COX7A2L: variants seen among roughly 807,000 people sequenced by gnomAD.
COX7A2L encodes cytochrome c oxidase subunit 7A2-like, mitochondrial.
Under a neutral mutation model 14.2 loss-of-function variants are expected in COX7A2L, and 18 were observed. The observed-to-expected ratio is 1.27, with a 90% CI of 0.88 to 1.88. The LOEUF (loss-of-function observed/expected upper bound fraction) is 1.88, where lower values mean the gene tolerates loss of function less well. Ranked by LOEUF, COX7A2L falls within the 40% of genes most tolerant of loss-of-function variation. The pLI is 0.00. For missense variants in COX7A2L, 179 were observed against 138.8 expected (o/e 1.29, Z -1.46); for synonymous variants, 65 against 57.4 (o/e 1.13, Z -0.60).
chr2:42,367,527 TC>T (rs1671189398), intron 1 of COX7A2L, among the ~76,000 whole-genome samples: 1 of 152,048 alleles, frequency 6.6e-6, no homozygotes, highest in Non-Finnish European at 1.5e-5. Context: ...GTGAAAAGTA[TC>T]TAATGGAAGG....
At chr2:42,337,660 G>A (rs1227587371) in intron 2 of COX7A2L, among the ~76,000 whole-genome samples, 2 of 152,118 alleles carry the variant, frequency 1.3e-5, no homozygotes, top group Non-Finnish European at 2.9e-5. Context: ...TATAGTTAAC[G>A]TAAGATCTCA....
intron 1 of COX7A2L, among the ~76,000 whole-genome samples, chr2:42,353,777 TAAAC>T (rs1471004085): frequency 1.3e-5 from 2 of 151,908 alleles, no homozygotes; most frequent in African/African-American, 4.8e-5. Context: ...AAAACAAAAC[TAAAC>T]AAACAAACAA....
intron 1 of COX7A2L, 122 bp downstream of exon 1, chr2:42,360,968 G>C (rs1671012742): frequency 2.0e-6 from 2 of 1,000,420 alleles, no homozygotes; most frequent in Non-Finnish European, 3.1e-6. Flanking sequence ...GGAGGTGCAA[G>C]GAGAACAGAG....
At chr2:42,351,511 C>T (rs1041123387) in intron 2 of COX7A2L, 152 bp from the exon 3 acceptor site, 1 of 917,664 alleles carries the variant, frequency 1.1e-6, no homozygotes, top group Non-Finnish European at 1.6e-6. Context: ...AGTAGAAGTT[C>T]CTATAAATGT....
chr2:42,367,911 C>T lies in COX7A2L; in HGVS notation c.-688+957G>A, dbSNP rs144512206. On this transcript the variant is annotated intron_variant, in intron 1 of 3. Transcript: ENST00000378669. ...CGTGTCCTCTTCCCTGGCACCACTCCTATACCCTAACAGCCCACAGATGCA... is the reference window on the plus strand; with the variant it reads ...CGTGTCCTCTTCCCTGGCACCACTCTTATACCCTAACAGCCCACAGATGCA... Among the ~76,000 whole-genome samples, 735 of 152,362 alleles carry T rather than the reference C, an allele frequency of 4.8e-3. 13 individuals carry two copies. The highest frequency in any genetic ancestry group is 0.014 in the Middle Eastern group (4 of 294).
At chr2:42,343,944 C>T (rs1196588292) in intron 2 of COX7A2L, among the ~76,000 whole-genome samples, 1 of 152,126 alleles carries the variant, frequency 6.6e-6, no homozygotes, top group Non-Finnish European at 1.5e-5. Context: ...GATGAAGGGG[C>T]CGAGAAGGAG....
Position 42,353,316 on chromosome 2 carries a change from C to A in COX7A2L, c.100G>T (p.Ala34Ser). The change falls in exon 2 of 3, where the codon GCA becomes TCA. Residue 34 changes from alanine to serine, a missense_variant. Coordinates refer to ENST00000234301, the MANE Select transcript of COX7A2L (RefSeq NM_004718.4). ...GGTGTGGCAAATATGATAGGTGGTG[C>A]TTCTGTGGAAACCACAGGCTTTAAT... ...QGLKPVVSTE[A>S]PPIIFATPTK... 6.2e-7 allele frequency: 1 copy of A among 1,613,950 alleles called. No homozygotes were observed. Among genetic ancestry groups the A allele is most frequent in the East Asian group, 2.2e-5 (1 of 44,882 alleles).
chr2:42,363,413 G>A (rs999227259), upstream of COX7A2L, among the ~76,000 whole-genome samples: 3 of 152,288 alleles, frequency 2.0e-5, no homozygotes, highest in East Asian at 5.8e-4. Context: ...AAGAAGAAAC[G>A]AAAGAATATT....
chr2:42,357,387 C>T (rs1437197074), intron 1 of COX7A2L, among the ~76,000 whole-genome samples: 1 of 152,206 alleles, frequency 6.6e-6, no homozygotes, highest in Non-Finnish European at 1.5e-5. Context: ...CAGCTCACTG[C>T]AGCCTCAATC....
intron 2 of COX7A2L, among the ~76,000 whole-genome samples, chr2:42,343,770 G>A (rs773096615): frequency 1.8e-4 from 27 of 152,174 alleles, no homozygotes; most frequent in Admixed American, 2.6e-4. Context: ...GAAGGAAGAC[G>A]TGGGGATGAA....
At chr2:42,343,608 C>T (rs530779456) in intron 2 of COX7A2L, among the ~76,000 whole-genome samples, 3 of 152,190 alleles carry the variant, frequency 2.0e-5, no homozygotes, top group Admixed American at 2.0e-4. Context: ...GGAGGCAAAA[C>T]GTCAAATATA....
In COX7A2L at chr2:42,361,178, C is replaced by T. The variant is rs773665383; in HGVS notation, c.-17G>A. The T allele has an allele frequency of 1.9e-6, 3 of 1,597,048 alleles. No individual in the cohort carries two copies. The highest frequency in any genetic ancestry group is 1.3e-5 in the African/African-American group (1 of 74,800). ...GTAGTACATGACGCCCAGAGTCCGG[C>T]TTCCCGCATCCGCTGCCAACGCGAC... On this transcript the variant is annotated 5_prime_UTR_variant, in exon 1 of 3. Transcript: ENST00000234301.
In COX7A2L at chr2:42,352,389, CCT is replaced by C. The variant is rs1230383897; in HGVS notation, c.204+821_204+822del. Among the ~76,000 whole-genome samples the C allele has an allele frequency of 4.6e-5, 7 of 152,228 alleles. 1 individual carries two copies. Among genetic ancestry groups the C allele is most frequent in the Non-Finnish European group, 8.8e-5 (6 of 68,020 alleles). On this transcript the variant is annotated intron_variant, in intron 2 of 2. Coordinates refer to ENST00000234301, the MANE Select transcript of COX7A2L (RefSeq NM_004718.4). ...ATGCTGCCCAGGCTGATCAAGCAATCCTCCTACCTTGGCCTCCCAAAGTGTTG... is the reference window on the plus strand; with the variant it reads ...ATGCTGCCCAGGCTGATCAAGCAATCCCTACCTTGGCCTCCCAAAGTGTTG...
chr2:42,362,976 G>A (rs1671091570), upstream of COX7A2L, among the ~76,000 whole-genome samples: 1 of 151,182 alleles, frequency 6.6e-6, no homozygotes, highest in African/African-American at 2.4e-5. Context: ...CCAGGCTGAG[G>A]TGATTCTCCT....
At chr2:42,357,401 T>C (rs1013137199) in intron 1 of COX7A2L, among the ~76,000 whole-genome samples, 8 of 152,120 alleles carry the variant, frequency 5.3e-5, no homozygotes, top group Admixed American at 1.3e-4. Flanking sequence ...CTCAATCTCC[T>C]AGGCTCAAGT....
chr2:42,357,921 C>T (rs1459076478), intron 1 of COX7A2L, among the ~76,000 whole-genome samples: 1 of 152,164 alleles, frequency 6.6e-6, no homozygotes, highest in Non-Finnish European at 1.5e-5. Flanking sequence ...GTCAAACTTA[C>T]CTACCCAATG....
At position 42,351,087 on chromosome 2, in the gene COX7A2L, T is replaced by C. The variant is rs1670626270; in HGVS notation, c.*132A>G. ...ATTTCATAAACAAACCAAAACATCA[T>C]CTTCATATCTTCCTATTTTTCTTGC... On this transcript the variant is annotated 3_prime_UTR_variant, in exon 3 of 3. Transcript: ENST00000234301. 2 of 1,005,964 alleles carry C rather than the reference T, an allele frequency of 2.0e-6. No homozygotes were observed. The highest frequency in any genetic ancestry group is 6.2e-5 in the Admixed American group (2 of 32,316). The allele number at this position is 1,005,964 out of a possible 1,614,324, so 62.3% of individuals were successfully genotyped here. A position where few individuals can be genotyped will look rare whatever the true frequency, so the allele number is the denominator to read the frequency against.
intron 1 of COX7A2L, among the ~76,000 whole-genome samples, chr2:42,366,561 G>A (rs1445600612): frequency 6.6e-6 from 1 of 152,094 alleles, no homozygotes; most frequent in African/African-American, 2.4e-5. Flanking sequence ...AGTTTAACAG[G>A]GTGATTGCAA....
intron 1 of COX7A2L, chr2:42,359,072 G>T (rs1670930512): frequency 6.6e-6 from 1 of 152,150 alleles, no homozygotes; most frequent in African/African-American, 2.4e-5. Flanking sequence ...AGGATAAAAG[G>T]AATTAACTAC....
Sources: gnomAD v4.1 joint callset for allele counts (sites outside exome capture counted in the v4.1 genomes callset) on GRCh38, gnomAD v4.1.1 for gene constraint, MANE v1.5 for transcripts, NCBI Gene and HGNC (gene_info 2026-07-23, HGNC 2026-07-21) for gene names.